TAS1R1: variants seen among roughly 807,000 people sequenced by gnomAD.
TAS1R1 encodes taste receptor type 1 member 1.
A neutral mutation model predicts 45.8 loss-of-function variants in TAS1R1; 31 were observed. The observed-to-expected ratio is 0.68, with a 90% CI of 0.51 to 0.91. The LOEUF (loss-of-function observed/expected upper bound fraction) is 0.91, where lower values mean the gene tolerates loss of function less well. Among genes scored for constraint, TAS1R1 ranks in the 40% least tolerant of loss-of-function variants. The probability of loss-of-function intolerance (pLI) is 0.00; values close to 1 mark genes in which losing one functional copy is unlikely to be tolerated. For synonymous variants in TAS1R1, 437 were observed against 448.4 expected (o/e 0.97, Z 0.32); for missense variants, 1,051 against 1,063.9 (o/e 0.99, Z 0.17).
chr1:6,559,707 C>T (rs934477616), intron 1 of TAS1R1, among the ~76,000 whole-genome samples: 9 of 151,296 alleles, frequency 5.9e-5, no homozygotes, highest in Non-Finnish European at 1.2e-4. Flanking sequence ...GTGGTTCACG[C>T]CTGTAATCCT....
At chr1:6,565,555 A>T (rs1639859596) in intron 1 of TAS1R1, among the ~76,000 whole-genome samples, 1 of 152,092 alleles carries the variant, frequency 6.6e-6, no homozygotes. Flanking sequence ...TAGAGAGTGA[A>T]GGACTGAGAA....
chr1:6,565,194 G>A (rs1639853567), intron 1 of TAS1R1, among the ~76,000 whole-genome samples: 1 of 152,126 alleles, frequency 6.6e-6, no homozygotes, highest in East Asian at 1.9e-4. Context: ...GGAAGATACT[G>A]CAATTAGAGA....
chr1:6,579,250 C>T lies in TAS1R1; in HGVS notation c.2192C>T (p.Ala731Val), dbSNP rs1640304214. The change falls in exon 6 of 6, where the codon GCC (alanine) becomes GTC (valine). Residue 731 changes from alanine (A) to valine (V), a missense_variant. Physicochemically the swap from Ala to Val is moderately conservative, Grantham distance 64. Coordinates refer to ENST00000333172, the MANE Select transcript of TAS1R1 (RefSeq NM_138697.4). ...TETNSLGFIL[A>V]FLYNGLLSIS... is the part of the protein sequence containing the mutation. ...ACCAACTCCCTGGGCTTCATACTGGCCTTCCTCTACAATGGCCTCCTCTCC... is the reference window on the plus strand; with the variant it reads ...ACCAACTCCCTGGGCTTCATACTGGTCTTCCTCTACAATGGCCTCCTCTCC... The T allele has an allele frequency of 1.2e-6, 2 of 1,614,096 alleles. No homozygotes were observed. Among genetic ancestry groups the T allele is most frequent in the African/African-American group, 2.7e-5 (2 of 74,926 alleles).
chr1:6,565,468 C>T (rs925794443), intron 1 of TAS1R1, among the ~76,000 whole-genome samples: 3 of 152,016 alleles, frequency 2.0e-5, no homozygotes, highest in Non-Finnish European at 4.4e-5. Flanking sequence ...GAAAGGTAAG[C>T]TACAGGAGCA....
chr1:6,559,380 G>T (rs1446955160), intron 1 of TAS1R1, among the ~76,000 whole-genome samples: 2 of 151,976 alleles, frequency 1.3e-5, no homozygotes, highest in African/African-American at 4.8e-5. Flanking sequence ...GACCTGAGCT[G>T]GGCATAGTGA....
chr1:6,558,290 G>T (rs1408080575), intron 1 of TAS1R1, among the ~76,000 whole-genome samples: 1 of 152,078 alleles, frequency 6.6e-6, no homozygotes, highest in African/African-American at 2.4e-5. Context: ...CTCTCACAGT[G>T]CTAGGCCTCC....
At chr1:6,568,907 G>C (rs936183909) in intron 1 of TAS1R1, among the ~76,000 whole-genome samples, 1 of 152,120 alleles carries the variant, frequency 6.6e-6, no homozygotes, top group Non-Finnish European at 1.5e-5. Flanking sequence ...TATAAGTATC[G>C]GGATCAGATG....
intron 1 of TAS1R1, among the ~76,000 whole-genome samples, chr1:6,560,396 C>T (rs2148667214): frequency 6.6e-6 from 1 of 152,332 alleles, no homozygotes; most frequent in South Asian, 2.1e-4. Flanking sequence ...GGCAACAGCC[C>T]AGGCTTACAG....
At chr1:6,578,283 T>C (rs541083215) in intron 5 of TAS1R1, among the ~76,000 whole-genome samples, 3 of 152,206 alleles carry the variant, frequency 2.0e-5, no homozygotes, top group African/African-American at 7.2e-5. Flanking sequence ...AGGAAAGTGG[T>C]TCATGGAAAT....
intron 1 of TAS1R1, among the ~76,000 whole-genome samples, chr1:6,569,145 A>G (rs1639944653): frequency 7.9e-6 from 1 of 126,968 alleles, no homozygotes; most frequent in Non-Finnish European, 1.6e-5. Flanking sequence ...AGGAACGGGG[A>G]CGTAAGGTGG....
intron 3 of TAS1R1, among the ~76,000 whole-genome samples, chr1:6,575,841 C>G (rs1214332396): frequency 6.6e-6 from 1 of 151,998 alleles, no homozygotes; most frequent in Non-Finnish European, 1.5e-5. Flanking sequence ...TACGGGCGCC[C>G]GCCACCACGC....
intron 1 of TAS1R1, among the ~76,000 whole-genome samples, chr1:6,570,135 G>T (rs1488770541): frequency 6.6e-6 from 1 of 152,082 alleles, no homozygotes; most frequent in Non-Finnish European, 1.5e-5. Context: ...GAGAAAGAAC[G>T]AGTAGACCCA....
Position 6,578,821 on chromosome 1 carries a change from T to C in TAS1R1, c.1763T>C (p.Phe588Ser), listed in dbSNP as rs150869784. The C allele has an allele frequency of 1.2e-5, 20 of 1,613,716 alleles. No individual in the cohort carries two copies. The African/African-American group carries it at 2.0e-4, about 16-fold the overall frequency. Residue 588 changes from phenylalanine (F) to serine (S), a missense_variant, in exon 6 of 6, where the codon TTT (phenylalanine) becomes TCT (serine). By Grantham distance (155) the Phe-to-Ser change is radical. Transcript: ENST00000333172. ...CTGCTGCTTGGGACTGCTGGCCTGT[T>C]TGCCTGGCACCTAGACACCCCTGTG... ...LLLLLGTAGL[F>S]AWHLDTPVVR...
At chr1:6,576,719 G>C in intron 4 of TAS1R1, 92 bp downstream of exon 4, 3 of 1,481,074 alleles carry the variant, frequency 2.0e-6, no homozygotes, top group Non-Finnish European at 2.8e-6. Context: ...GGAGCAGGAG[G>C]GGGGCCCCAG....
rs765321025 is a variant in TAS1R1, at chr1:6,576,399, T to TA, written c.1261-15dup. ...TGTGCTGTCTGTGGTGGCTTCATGA[T>TA]ACGCGTTTCTTTCAGCTTTTGGAGC... On this transcript the variant is annotated splice_polypyrimidine_tract_variant and intron_variant, in intron 3 of 5. Transcript: ENST00000333172. 1.1e-5 allele frequency: 18 copies of TA among 1,613,902 alleles called. No individual in the cohort carries two copies. In the South Asian group the frequency reaches 2.0e-4, roughly 18 times the overall value.
chr1:6,567,878 T>C (rs968724758), intron 1 of TAS1R1, among the ~76,000 whole-genome samples: 3 of 152,168 alleles, frequency 2.0e-5, no homozygotes, highest in Non-Finnish European at 4.4e-5. Flanking sequence ...CCAGTAGCCT[T>C]CTTTGCCGCA....
intron 1 of TAS1R1, among the ~76,000 whole-genome samples, chr1:6,563,752 G>A (rs934995426): frequency 3.3e-5 from 5 of 151,998 alleles, no homozygotes; most frequent in Admixed American, 1.3e-4. Context: ...GATTAGGAGC[G>A]GTAGATAGGC....
At chr1:6,566,130 G>A (rs1350440720) in intron 1 of TAS1R1, among the ~76,000 whole-genome samples, 1 of 152,188 alleles carries the variant, frequency 6.6e-6, no homozygotes, top group Non-Finnish European at 1.5e-5. Flanking sequence ...GAAGAAGACG[G>A]CTGGGGGAAA....
chr1:6,574,754 T>G lies in TAS1R1; in HGVS notation c.622T>G (p.Trp208Gly). 6.2e-7 allele frequency: 1 copy of G among 1,614,180 alleles called. No individual in the cohort carries two copies. The highest frequency in any genetic ancestry group is 8.5e-7 in the Non-Finnish European group (1 of 1,180,048). ...GGTGCTGCTGCTGCAGAAGTTCGGG[T>G]GGACCTGGATCTCTCTGGTTGGCAG... is the stretch of plus-strand genomic sequence containing the variant. ...TMVLLLQKFGWTWISLVGSSD... is the reference protein window; with the variant it reads ...TMVLLLQKFGGTWISLVGSSD... The change falls in exon 3 of 6, where the codon TGG becomes GGG. Residue 208 changes from tryptophan to glycine, a missense_variant. Coordinates refer to ENST00000333172, the MANE Select transcript of TAS1R1 (RefSeq NM_138697.4). The surrounding 1 kb of genome is among the most constrained non-coding windows in gnomAD (Gnocchi z 4.3).
Sources: gnomAD v4.1 joint callset for allele counts (sites outside exome capture counted in the v4.1 genomes callset) on GRCh38, gnomAD v4.1.1 for gene constraint, Gnocchi (gnomAD v3.1) non-coding constraint, MANE v1.5 for transcripts, NCBI Gene and HGNC (gene_info 2026-07-23, HGNC 2026-07-21) for gene names.